The following SEMA5A variants were observed in gnomAD, a reference collection of about 807,000 sequenced individuals.
The protein encoded by SEMA5A is semaphorin-5A.
In SEMA5A, 55 loss-of-function variants were observed where a neutral mutation model predicts 135.5. The observed-to-expected ratio is 0.41, with a 90% CI of 0.33 to 0.51. SEMA5A has a LOEUF of 0.51. SEMA5A is among the 20% of genes least tolerant of loss of function. The pLI, the probability that SEMA5A is intolerant of heterozygous loss-of-function variation, is 0.37. For synonymous variants in SEMA5A, 580 were observed against 546.5 expected (o/e 1.06, Z -0.85); for missense variants, 1,290 against 1,419.9 (o/e 0.91, Z 1.47).
At chr5:9,434,933 C>T (rs558298596) in intron 2 of SEMA5A, among the ~76,000 whole-genome samples, 1 of 152,188 alleles carries the variant, frequency 6.6e-6, no homozygotes, top group East Asian at 1.9e-4. Context: ...TAAAGAAACA[C>T]AAATTAATTG....
At chr5:9,087,182 T>G (rs145824223) in intron 16 of SEMA5A, among the ~76,000 whole-genome samples, 1 of 152,344 alleles carries the variant, frequency 6.6e-6, no homozygotes, top group East Asian at 1.9e-4. Context: ...GCTCCCTAAA[T>G]CGGACCCCAA....
chr5:9,306,404 T>C (rs943171053), intron 5 of SEMA5A, among the ~76,000 whole-genome samples: 9 of 152,344 alleles, frequency 5.9e-5, no homozygotes, highest in African/African-American at 2.2e-4. Flanking sequence ...ATATTTTTTT[T>C]CTGCTATGTC....
intron 2 of SEMA5A, among the ~76,000 whole-genome samples, chr5:9,384,739 G>T (rs1335209344): frequency 4.0e-5 from 6 of 148,722 alleles, no homozygotes; most frequent in African/African-American, 1.2e-4. Flanking sequence ...CAGACAGACA[G>T]ACAGATGCAT....
At chr5:9,316,537 C>A (rs1437043297) in intron 5 of SEMA5A, among the ~76,000 whole-genome samples, 1 of 151,988 alleles carries the variant, frequency 6.6e-6, no homozygotes, top group Non-Finnish European at 1.5e-5. Flanking sequence ...AGAGAGTATA[C>A]CATGAGAATC....
chr5:9,456,698 A>G (rs1758849039), intron 1 of SEMA5A, among the ~76,000 whole-genome samples: 1 of 152,204 alleles, frequency 6.6e-6, no homozygotes, highest in Admixed American at 6.5e-5. Context: ...GGCTGGAACC[A>G]CAAAAGCTTT....
chr5:9,399,648 A>C (rs1440693085), intron 2 of SEMA5A, among the ~76,000 whole-genome samples: 2 of 152,330 alleles, frequency 1.3e-5, no homozygotes, highest in East Asian at 3.9e-4. Flanking sequence ...TTATTAAAAA[A>C]TAATTTCCAA....
intron 5 of SEMA5A, among the ~76,000 whole-genome samples, chr5:9,303,219 C>T (rs1458655508): frequency 6.6e-6 from 1 of 151,604 alleles, no homozygotes; most frequent in African/African-American, 2.4e-5. Context: ...TAGGTTCATG[C>T]CATTCTCCTG....
chr5:9,177,777 C>T (rs888128252), intron 11 of SEMA5A, among the ~76,000 whole-genome samples: 2 of 152,176 alleles, frequency 1.3e-5, no homozygotes, highest in Non-Finnish European at 2.9e-5. Flanking sequence ...TTGAACCCAG[C>T]CTTAGCACCC....
At chr5:9,224,397 CA>C (rs1747174925) in intron 8 of SEMA5A, among the ~76,000 whole-genome samples, 1 of 26,250 alleles carries the variant, frequency 3.8e-5, no homozygotes, top group African/African-American at 1.6e-4. Flanking sequence ...AGACATTAAA[CA>C]ACAATATAAA....
intron 11 of SEMA5A, among the ~76,000 whole-genome samples, chr5:9,181,155 C>T (rs1000247762): frequency 1.3e-5 from 2 of 152,114 alleles, no homozygotes; most frequent in African/African-American, 2.4e-5. Context: ...GTTATTCTGA[C>T]CTCTGCCCCC....
chr5:9,100,457 G>T (rs575260927), intron 16 of SEMA5A, among the ~76,000 whole-genome samples: 1 of 152,114 alleles, frequency 6.6e-6, no homozygotes, highest in Non-Finnish European at 1.5e-5. Context: ...CAGCCTGGGT[G>T]CATCCTCAAC....
chr5:9,507,760 T>C (rs1420878882), intron 1 of SEMA5A, among the ~76,000 whole-genome samples: 1 of 152,010 alleles, frequency 6.6e-6, no homozygotes, highest in African/African-American at 2.4e-5. Context: ...ATCCCAGCAC[T>C]TTGGGAGGCC....
At chr5:9,075,876 T>C (rs921824025) in intron 16 of SEMA5A, among the ~76,000 whole-genome samples, 2 of 152,154 alleles carry the variant, frequency 1.3e-5, no homozygotes, top group Non-Finnish European at 2.9e-5. Context: ...AAAACAAGCC[T>C]CTTTCTAATA....
intron 13 of SEMA5A, among the ~76,000 whole-genome samples, chr5:9,124,956 C>T (rs1007762869): frequency 4.6e-5 from 7 of 152,188 alleles, no homozygotes; most frequent in African/African-American, 1.7e-4. Flanking sequence ...AAACAACTCA[C>T]AGGAAACAAC....
intron 14 of SEMA5A, 83 bp downstream of exon 14, chr5:9,122,573 T>A: frequency 7.5e-7 from 1 of 1,336,504 alleles, no homozygotes; most frequent in African/African-American, 1.5e-5. Flanking sequence ...AAAAGGGAGT[T>A]ATATTATAAA....
At chr5:9,116,181 G>A (rs938230993) in intron 15 of SEMA5A, among the ~76,000 whole-genome samples, 3 of 152,114 alleles carry the variant, frequency 2.0e-5, no homozygotes, top group African/African-American at 7.2e-5. Context: ...CCAAGCAGAG[G>A]ATCTAGCTAA....
intron 11 of SEMA5A, among the ~76,000 whole-genome samples, chr5:9,169,820 C>T (rs1157372460): frequency 6.6e-6 from 1 of 152,168 alleles, no homozygotes; most frequent in Non-Finnish European, 1.5e-5. Context: ...CTCAGAACTA[C>T]CAACTATTTG....
At chr5:9,353,189 GGGAAAGGAAAGGAAAGGAAAGGAAA>G (rs1204266521) in intron 3 of SEMA5A, among the ~76,000 whole-genome samples, 5 of 16,712 alleles carry the variant, frequency 3.0e-4, no homozygotes, top group Non-Finnish European at 4.2e-4. Context: ...AGGAAGGGAA[GGGAAAGGAAAGGAAAGGAAAGGAAA>G]GGAAAGGAAA....
chr5:9,144,664 T>C (rs920672841), intron 12 of SEMA5A, among the ~76,000 whole-genome samples: 3 of 152,188 alleles, frequency 2.0e-5, no homozygotes, highest in Non-Finnish European at 4.4e-5. Context: ...GTAGCCTTCA[T>C]CAGTGCCTGA....
Sources: gnomAD v4.1 joint callset for allele counts (sites outside exome capture counted in the v4.1 genomes callset) on GRCh38, gnomAD v4.1.1 for gene constraint, MANE v1.5 for transcripts, NCBI Gene and HGNC (gene_info 2026-07-23, HGNC 2026-07-21) for gene names.